Variants in CERS1 observed in about 807,000 individuals in gnomAD.
The protein encoded by CERS1 is Embryonic growth/differentiation factor 1.
CERS1 carries 16 observed loss-of-function variants against 35.7 expected under a neutral mutation model. The observed-to-expected ratio is 0.45, with a 90% CI of 0.30 to 0.68. The LOEUF (loss-of-function observed/expected upper bound fraction) is 0.68. Among genes scored for constraint, CERS1 ranks in the 30% least tolerant of loss-of-function variants. The pLI is 0.08. For missense variants in CERS1, 454 were observed against 453.9 expected (o/e 1.00, Z 0.00); for synonymous variants, 243 against 201.6 (o/e 1.21, Z -1.74).
chr19:18,882,770 G>A (rs1402810704), intron 3 of CERS1, among the ~76,000 whole-genome samples: 1 of 151,794 alleles, frequency 6.6e-6, no homozygotes, highest in Non-Finnish European at 1.5e-5. Flanking sequence ...TCGGCTCACT[G>A]CAACCTCCGC....
At chr19:18,885,590 G>A (rs1293317186) in intron 2 of CERS1, among the ~76,000 whole-genome samples, 1 of 148,804 alleles carries the variant, frequency 6.7e-6, no homozygotes, top group Admixed American at 6.7e-5. Context: ...CGGGATCTCG[G>A]CTCACTGCAA....
At chr19:18,896,169 C>A (rs908762891), upstream of CERS1, 20 of 377,642 alleles carry the variant, frequency 5.3e-5, no homozygotes, top group Non-Finnish European at 5.8e-5. The surrounding 1 kb of genome is among the most constrained non-coding windows in gnomAD (Gnocchi z 5.9). Flanking sequence ...GGGCCGGGGG[C>A]GCGCGGGCGG....
At chr19:18,893,351 A>C in intron 2 of CERS1, 65 bp downstream of exon 2, 1 of 1,510,196 alleles carries the variant, frequency 6.6e-7, no homozygotes, top group Non-Finnish European at 8.9e-7. Context: ...AGTAGCTGGG[A>C]CCACAAGCCT....
Position 18,884,164 on chromosome 19 carries a change from G to C in CERS1, c.513C>G (p.Thr171=), listed in dbSNP as rs1347831215. The part of the protein sequence containing the change: ...HSIYATLYMD[T]WRKDSVVMLL... ...GCATGACCACCGAGTCCTTGCGCCA[G>C]GTGTCCATGTATAGCGTAGCGTAGA... Residue 171 remains threonine (T), a synonymous_variant, in exon 3 of 8, where the codon ACC becomes ACG. Coordinates refer to ENST00000623882, the MANE Select transcript of CERS1 (RefSeq NM_021267.5). 2 of 1,613,632 alleles carry C rather than the reference G, an allele frequency of 1.2e-6. No individual in the cohort carries two copies. Among genetic ancestry groups the C allele is most frequent in the Non-Finnish European group, 1.7e-6 (2 of 1,179,848 alleles).
Position 18,878,064 on chromosome 19 carries a change from CA to C in CERS1, c.1010+865del, listed in dbSNP as rs1426304316. Reference sequence around the variant, plus strand: ...TGTCTGCATCTCGCACCTCCCGTTCCAAAAAACGTCACGGAGCTCTGAGCCA... The same window carrying C: ...TGTCTGCATCTCGCACCTCCCGTTCCAAAAACGTCACGGAGCTCTGAGCCA... On this transcript the variant is annotated intron_variant, in intron 6 of 7. Transcript: ENST00000623882. The surrounding 1 kb of genome is among the most constrained non-coding windows in gnomAD (Gnocchi z 4.6). 1 of 985,410 alleles carries C rather than the reference CA, an allele frequency of 1.0e-6. No individual in the cohort carries two copies. Among genetic ancestry groups the C allele is most frequent in the Middle Eastern group, 5.2e-4 (1 of 1,914 alleles). The allele number at this position is 985,410 out of a possible 1,614,324, so 61.0% of individuals were successfully genotyped here.
At chr19:18,880,234 G>T in intron 4 of CERS1, 40 bp downstream of exon 4, 1 of 1,512,858 alleles carries the variant, frequency 6.6e-7, no homozygotes, top group Non-Finnish European at 8.9e-7. Flanking sequence ...ACCTCACCAG[G>T]CCACACCTCC....
At chr19:18,872,478 G>T (rs2055989197) in intron 6 of CERS1, among the ~76,000 whole-genome samples, 1 of 151,682 alleles carries the variant, frequency 6.6e-6, no homozygotes, top group African/African-American at 2.4e-5. Flanking sequence ...CTCCCCAGTA[G>T]CTGGGACTAC....
upstream of CERS1, chr19:18,896,662 G>C (rs1227920260): frequency 6.6e-6 from 1 of 152,418 alleles, no homozygotes; most frequent in African/African-American, 2.4e-5. The surrounding 1 kb of genome is among the most constrained non-coding windows in gnomAD (Gnocchi z 5.9). Context: ...GGAGGCGTAG[G>C]CTCAATGAAA....
intron 3 of CERS1, among the ~76,000 whole-genome samples, chr19:18,881,225 T>TC: frequency 6.6e-6 from 1 of 151,562 alleles, no homozygotes; most frequent in Non-Finnish European, 1.5e-5. Context: ...TTTTTAATTT[T>TC]TTTTTTTTTT....
chr19:18,881,378 G>A lies in CERS1; in HGVS notation c.591-943C>T, dbSNP rs147508019. ...TGGCATTACAGGTATGTGCCACCAC[G>A]CCCAGTTAATTTTGTATTTTTAGTA... On this transcript the variant is annotated intron_variant, in intron 3 of 7. Transcript: ENST00000623882. Among the ~76,000 whole-genome samples, 1,405 of 151,882 alleles carry A rather than the reference G, an allele frequency of 9.3e-3. 53 individuals carry two copies. The highest frequency in any genetic ancestry group is 0.068 in the Admixed American group (1,038 of 15,246).
At chr19:18,881,273 G>A (rs528658213) in intron 3 of CERS1, among the ~76,000 whole-genome samples, 7 of 150,350 alleles carry the variant, frequency 4.7e-5, no homozygotes, top group East Asian at 2.0e-4. Context: ...AGGCTGGAGC[G>A]CAATGGCACG....
intron 1 of CERS1, among the ~76,000 whole-genome samples, chr19:18,894,544 G>A (rs1197393410): frequency 6.6e-6 from 1 of 152,136 alleles, no homozygotes; most frequent in Non-Finnish European, 1.5e-5. Flanking sequence ...GGCCCTGGTA[G>A]TCTACCAGCC....
intron 2 of CERS1, among the ~76,000 whole-genome samples, chr19:18,887,874 A>G (rs1311089938): frequency 6.6e-6 from 1 of 152,068 alleles, no homozygotes; most frequent in Admixed American, 6.6e-5. Context: ...TTCTTCCCCA[A>G]TGGAACAGTC....
In CERS1 at chr19:18,869,345, C is replaced by T. The variant is rs1057524707; in HGVS notation, c.*640G>A. 6 of 1,531,716 alleles carry T rather than the reference C, an allele frequency of 3.9e-6. No individual in the cohort carries two copies. Among genetic ancestry groups the T allele is most frequent in the Non-Finnish European group, 5.2e-6 (6 of 1,146,414 alleles). 94.9% of individuals were successfully genotyped at this position (1,531,716 alleles called of 1,614,324 possible). On this transcript the variant is annotated 3_prime_UTR_variant, in exon 8 of 8. Coordinates refer to ENST00000623882, the MANE Select transcript of CERS1 (RefSeq NM_021267.5). ...GTCGAAGACGACTGTCCACTCAGGG[C>T]AATGCCCCGCGGCCGAGGCAGGCTC... is the stretch of plus-strand genomic sequence containing the variant.
Position 18,880,370 on chromosome 19 carries a change from G to A in CERS1, c.656C>T (p.Thr219Ile). The A allele has an allele frequency of 1.3e-6, 2 of 1,575,128 alleles. No individual in the cohort carries two copies. The highest frequency in any genetic ancestry group is 1.7e-6 in the Non-Finnish European group (2 of 1,160,386). ...GGACTTGAAGTAAATGTTGAGCTTG[G>A]TGAACTCAAGCTGCACGTCACTGAT... ...HDISDVQLEFTKLNIYFKSRG... is the reference protein window; with the variant it reads ...HDISDVQLEFIKLNIYFKSRG... The change falls in exon 4 of 8, where the codon ACC becomes ATC. Residue 219 changes from threonine to isoleucine, a missense_variant. Physicochemically the swap from Thr to Ile is moderately conservative, Grantham distance 89. Coordinates refer to ENST00000623882, the MANE Select transcript of CERS1 (RefSeq NM_021267.5).
chr19:18,883,741 G>A (rs780236262), intron 3 of CERS1, among the ~76,000 whole-genome samples: 9 of 152,154 alleles, frequency 5.9e-5, no homozygotes, highest in South Asian at 2.1e-4. Context: ...TTGCTTGGGC[G>A]TGGCAGGTGC....
intron 2 of CERS1, among the ~76,000 whole-genome samples, chr19:18,885,503 C>T (rs57262477): frequency 0.011 from 1,473 of 135,314 alleles, 32 homozygotes; most frequent in African/African-American, 0.038. Flanking sequence ...AGCCCAGCGC[C>T]CCTTCTCGTT....
At chr19:18,884,432 T>C (rs74341062) in intron 2 of CERS1, among the ~76,000 whole-genome samples, 165 bp from the exon 3 acceptor site, 1 of 138,852 alleles carries the variant, frequency 7.2e-6, no homozygotes, top group African/African-American at 2.7e-5. Flanking sequence ...TTTTTTTTTT[T>C]CTTTGAGACG....
chr19:18,895,595 TC>T lies in CERS1; in HGVS notation c.249+228del, dbSNP rs2056606189. Reference sequence around the variant, plus strand: ...GGCCACACCCCCGCATCTACCCGGTTCCCCCACGCAGCACTGTCTGAAGGGG... The same window carrying T: ...GGCCACACCCCCGCATCTACCCGGTTCCCCACGCAGCACTGTCTGAAGGGG... On this transcript the variant is annotated intron_variant, in intron 1 of 7. Transcript: ENST00000623882. The surrounding 1 kb of genome is among the most constrained non-coding windows in gnomAD (Gnocchi z 6.4). Among the ~76,000 whole-genome samples, 1 of 149,942 alleles carries T rather than the reference TC, an allele frequency of 6.7e-6. No individual in the cohort carries two copies. The highest frequency in any genetic ancestry group is 1.5e-5 in the Non-Finnish European group (1 of 67,498).
Sources: allele counts gnomAD v4.1 joint callset (sites outside exome capture counted in the v4.1 genomes callset), GRCh38; gene constraint gnomAD v4.1.1; non-coding constraint Gnocchi (gnomAD v3.1); transcripts MANE v1.5; gene names NCBI Gene and HGNC (gene_info 2026-07-23, HGNC 2026-07-21).